The following WDR19 variants were observed in gnomAD, a reference collection of about 807,000 sequenced individuals.
WDR19 encodes WD repeat domain 19.
A neutral mutation model predicts 180.0 loss-of-function variants in WDR19; 121 were observed. The observed-to-expected ratio is 0.67, with a 90% CI of 0.58 to 0.78. WDR19 has a LOEUF of 0.78. Among genes scored for constraint, WDR19 ranks in the 30% least tolerant of loss-of-function variants. The probability of loss-of-function intolerance (pLI) is 0.00; values close to 1 mark genes in which losing one functional copy is unlikely to be tolerated. For synonymous variants in WDR19, 497 were observed against 540.7 expected (o/e 0.92, Z 1.12); for missense variants, 1,450 against 1,640.7 (o/e 0.88, Z 2.01).
In WDR19 at chr4:39,214,631, A is replaced by G; in HGVS notation, c.921A>G (p.Lys307=). The G allele has an allele frequency of 6.3e-7, 1 of 1,583,028 alleles. No homozygotes were observed. Among genetic ancestry groups the G allele is most frequent in the Non-Finnish European group, 8.6e-7 (1 of 1,162,666 alleles). Residue 307 remains lysine (K), a synonymous_variant, in exon 10 of 37, where the codon AAA becomes AAG. Coordinates refer to ENST00000399820, the MANE Select transcript of WDR19 (RefSeq NM_025132.4). ...CIKIQDLVDL[K]DMYVILNLDE... is the part of the protein sequence containing the mutation. ...AAATCCAAGACTTGGTTGACTTAAA[A>G]GACATGTATGTTATACTCAACCTGG...
At chr4:39,214,316 C>T (rs746126518) in intron 9 of WDR19, among the ~76,000 whole-genome samples, 29 of 152,122 alleles carry the variant, frequency 1.9e-4, no homozygotes, top group Non-Finnish European at 3.4e-4. Flanking sequence ...ATTTTAACCT[C>T]CTTATTCCTG....
chr4:39,234,769 A>G lies in WDR19; in HGVS notation c.2257A>G (p.Arg753Gly). 6.4e-7 allele frequency: 1 copy of G among 1,572,390 alleles called. No individual in the cohort carries two copies. ...AAGGTCTTTCTCTTCTTAACAGATG[A>G]GAAGGGATTTACAGCATTGGGACAG... The part of the protein sequence containing the change: ...SSCPIAALEM[R>G]RDLQHWDSAL... The change falls in exon 20 of 37, where the codon AGA becomes GGA. Residue 753 changes from arginine (R) to glycine (G), a missense_variant. Transcript: ENST00000399820.
intron 28 of WDR19, among the ~76,000 whole-genome samples, chr4:39,265,794 C>G (rs1374078647): frequency 6.8e-6 from 1 of 146,154 alleles, no homozygotes; most frequent in Non-Finnish European, 1.5e-5. Flanking sequence ...AAAAAAAAAT[C>G]CAAGAAGTAC....
Position 39,268,600 on chromosome 4 carries a change from T to C in WDR19, c.3358+509T>C, listed in dbSNP as rs111416037. Among the ~76,000 whole-genome samples the C allele has an allele frequency of 4.9e-3, 741 of 152,324 alleles. 1 individual carries two copies. Among genetic ancestry groups the C allele is most frequent in the African/African-American group, 0.017 (705 of 41,560 alleles). ...AGTGAGTAAGAGGATTAGTCTGATA[T>C]CTTCATTAATTTTTATGAGCTGATC... On this transcript the variant is annotated intron_variant, in intron 30 of 36. Transcript: ENST00000399820.
intron 5 of WDR19, 69 bp downstream of exon 5, chr4:39,194,728 AG>A (rs1726540103): frequency 8.1e-7 from 1 of 1,235,852 alleles, no homozygotes; most frequent in African/African-American, 1.5e-5. Context: ...CTGCCGCCTC[AG>A]GTTTCCCTGA....
In WDR19 at chr4:39,285,705, T is replaced by G. The variant is rs1217240947; in HGVS notation, c.*232T>G. 6.6e-6 allele frequency: 1 copy of G among 152,238 alleles called. No individual in the cohort carries two copies. The highest frequency in any genetic ancestry group is 1.5e-5 in the Non-Finnish European group (1 of 68,036). The allele number at this position is 152,238 out of a possible 1,614,324, so 9.4% of individuals were successfully genotyped here. A position where few individuals can be genotyped will look rare whatever the true frequency, so the allele number is the denominator to read the frequency against. The stretch of plus-strand genomic sequence containing the variant: ...CCTCTTCAAAGTCTTTCTTACACAC[T>G]CTATCCTCTGCACTGTTAATAGTAA... On this transcript the variant is annotated 3_prime_UTR_variant, in exon 37 of 37. Coordinates refer to ENST00000399820, the MANE Select transcript of WDR19 (RefSeq NM_025132.4).
intron 19 of WDR19, among the ~76,000 whole-genome samples, chr4:39,233,147 A>G (rs926597419): frequency 6.6e-6 from 1 of 152,170 alleles, no homozygotes; most frequent in African/African-American, 2.4e-5. Context: ...AGGCACATTT[A>G]TCCTTATTGT....
Position 39,215,974 on chromosome 4 carries a change from C to T in WDR19, c.1095C>T (p.Thr365=), listed in dbSNP as rs769622804. Residue 365 remains threonine (T), a synonymous_variant, in exon 11 of 37, where the codon ACC becomes ACT. Coordinates refer to ENST00000399820, the MANE Select transcript of WDR19 (RefSeq NM_025132.4). The part of the protein sequence containing the change: ...DACSTRIAYL[T]SLLEVTVANP... ...GCAGCACAAGGATTGCCTATCTCAC[C>T]TCCCTCCTTGAAGTCACCGTAGCCA... 17 of 1,611,842 alleles carry T rather than the reference C, an allele frequency of 1.1e-5. No homozygotes were observed. Among genetic ancestry groups the T allele is most frequent in the Non-Finnish European group, 1.4e-5 (17 of 1,178,980 alleles).
intron 14 of WDR19, among the ~76,000 whole-genome samples, chr4:39,220,747 A>G (rs1729600534): frequency 1.3e-5 from 2 of 149,982 alleles, no homozygotes; most frequent in South Asian, 4.2e-4. Context: ...TGACCTCGTG[A>G]TCCACCCGCC....
intron 14 of WDR19, among the ~76,000 whole-genome samples, chr4:39,224,473 T>A (rs540976981): frequency 1.7e-4 from 26 of 152,172 alleles, no homozygotes; most frequent in Admixed American, 7.2e-4. Flanking sequence ...CTCTGCCTCC[T>A]GGGTTCAAGC....
At chr4:39,185,654 G>A in intron 1 of WDR19, 72 bp from the exon 2 acceptor site, 1 of 1,406,946 alleles carries the variant, frequency 7.1e-7, no homozygotes, top group Non-Finnish European at 9.8e-7. Flanking sequence ...TCATGACCAT[G>A]TTTTGATACC....
At position 39,186,573 on chromosome 4, in the gene WDR19, G is replaced by A. The variant is rs1400132418; in HGVS notation, c.133G>A (p.Gly45Ser). 6.3e-7 allele frequency: 1 copy of A among 1,582,126 alleles called. No homozygotes were observed. ...TATTGTGAAAATCTTTGATCGCCAT[G>A]GTCAAAAAAGAAGTGAAATTAACTT... Reference protein sequence around the residue: ...DYIVKIFDRHGQKRSEINLPG... With the variant: ...DYIVKIFDRHSQKRSEINLPG... Residue 45 changes from glycine to serine, a missense_variant, in exon 3 of 37, where the codon GGT becomes AGT. By Grantham distance (56) the Gly-to-Ser change is moderately conservative. Transcript: ENST00000399820.
At chr4:39,278,798 C>T (rs1464223110) in intron 36 of WDR19, 135 bp downstream of exon 36, 3 of 439,832 alleles carry the variant, frequency 6.8e-6, no homozygotes, top group South Asian at 5.2e-5. Context: ...TGACAACCAC[C>T]TTTTGATGTA....
chr4:39,262,249 T>C (rs2109469653), intron 28 of WDR19, among the ~76,000 whole-genome samples: 1 of 152,308 alleles, frequency 6.6e-6, no homozygotes, highest in South Asian at 2.1e-4. Flanking sequence ...TACAACTAAA[T>C]TGGCCACTTT....
intron 20 of WDR19, among the ~76,000 whole-genome samples, chr4:39,236,184 G>A (rs1014525750): frequency 6.6e-6 from 1 of 152,022 alleles, no homozygotes; most frequent in Non-Finnish European, 1.5e-5. Context: ...ACCTGCATTC[G>A]TATGTTTATT....
intron 30 of WDR19, 77 bp from the exon 31 acceptor site, chr4:39,269,899 C>A: frequency 1.3e-6 from 2 of 1,539,140 alleles, no homozygotes; most frequent in Admixed American, 1.9e-5. Flanking sequence ...ACAAAATCCA[C>A]TAGTAAGATG....
At chr4:39,260,505 A>AT in intron 28 of WDR19, among the ~76,000 whole-genome samples, 1 of 151,838 alleles carries the variant, frequency 6.6e-6, no homozygotes, top group Non-Finnish European at 1.5e-5. Flanking sequence ...TACCCAGCTA[A>AT]TTTTTTTGTA....
chr4:39,285,339 T>C (rs1055440686), intron 36 of WDR19, 148 bp from the exon 37 acceptor site: 2 of 152,206 alleles, frequency 1.3e-5, no homozygotes, highest in Non-Finnish European at 2.9e-5. Context: ...CGGATTACAG[T>C]CTAGAGATTT....
intron 28 of WDR19, among the ~76,000 whole-genome samples, chr4:39,259,946 C>T (rs1048896853): frequency 1.3e-5 from 2 of 152,106 alleles, no homozygotes; most frequent in African/African-American, 4.8e-5. Flanking sequence ...TGCTTTCATA[C>T]AGTTTTTAGT....
Sources: gnomAD v4.1 joint callset for allele counts (sites outside exome capture counted in the v4.1 genomes callset) on GRCh38, gnomAD v4.1.1 for gene constraint, MANE v1.5 for transcripts, NCBI Gene and HGNC (gene_info 2026-07-23, HGNC 2026-07-21) for gene names.